Variants in NOTCH2 observed in about 807,000 individuals in gnomAD.
NOTCH2 encodes the protein notch receptor 2.
In NOTCH2, 29 loss-of-function variants were observed where a neutral mutation model predicts 235.8. The ratio of observed to expected loss-of-function variants is 0.12; its 90% CI spans 0.09 to 0.17. The LOEUF (loss-of-function observed/expected upper bound fraction) is 0.17. Ranked by LOEUF, NOTCH2 falls within the 10% of genes least tolerant of loss-of-function variation. NOTCH2 has a pLI of 1.00. For missense variants in NOTCH2, 2,285 were observed against 3,150.2 expected (o/e 0.73, Z 6.57); for synonymous variants, 1,086 against 1,141.5 (o/e 0.95, Z 0.98).
chr1:119,949,364 T>C (rs1553197449), intron 15 of NOTCH2, among the ~76,000 whole-genome samples: 1 of 151,812 alleles, frequency 6.6e-6, no homozygotes, highest in South Asian at 2.1e-4. Flanking sequence ...TTAAATGTAG[T>C]TTCCCTACAC....
intron 4 of NOTCH2, among the ~76,000 whole-genome samples, chr1:119,988,789 C>G (rs1652117226): frequency 6.6e-6 from 1 of 152,200 alleles, no homozygotes; most frequent in African/African-American, 2.4e-5. Flanking sequence ...CTAACTCGAT[C>G]TCTCTGATGA....
chr1:120,024,775 T>G (rs1553209618), intron 2 of NOTCH2, among the ~76,000 whole-genome samples: 4 of 152,234 alleles, frequency 2.6e-5, no homozygotes, highest in Admixed American at 2.6e-4. Context: ...TTACAAACAC[T>G]ACGTTAGATA....
chr1:120,023,156 A>C (rs61788883), intron 2 of NOTCH2, among the ~76,000 whole-genome samples: 1 of 152,052 alleles, frequency 6.6e-6, no homozygotes, highest in African/African-American at 2.4e-5. Flanking sequence ...CTATGTCCTC[A>C]GCTGGGTGTG....
chr1:119,980,812 T>C (rs1266480826), intron 5 of NOTCH2, among the ~76,000 whole-genome samples: 1 of 152,208 alleles, frequency 6.6e-6, no homozygotes, highest in Admixed American at 6.5e-5. Flanking sequence ...TTACAGGAGC[T>C]GCCACCAAGG....
chr1:119,916,682 G>A lies in NOTCH2; in HGVS notation c.6040C>T (p.Leu2014=). 1.2e-6 allele frequency: 2 copies of A among 1,614,178 alleles called. No homozygotes were observed. The highest frequency in any genetic ancestry group is 1.7e-6 in the Non-Finnish European group (2 of 1,180,032). ...CTCCCCTCCCGGGCAGCAAGAAACA[G>A]AGGTGTCTCTTCCTACAGAAAAGGC... is the stretch of plus-strand genomic sequence containing the variant. ...DMQDNKEETP[L]FLAAREGSYE... Residue 2014 remains leucine, a synonymous_variant, in exon 34 of 34, where the codon CTG becomes TTG. Coordinates refer to ENST00000256646, the MANE Select transcript of NOTCH2 (RefSeq NM_024408.4).
chr1:120,028,321 A>ACT (rs1270986267), intron 2 of NOTCH2, among the ~76,000 whole-genome samples: 1 of 132,562 alleles, frequency 7.5e-6, no homozygotes, highest in Non-Finnish European at 1.6e-5. Flanking sequence ...AAAGCAAGCA[A>ACT]CTAAGGCACC....
chr1:119,942,905 C>T lies in NOTCH2; in HGVS notation c.2753-1151G>A, dbSNP rs1456547646. 2.1e-5 allele frequency among the ~76,000 whole-genome samples: 3 copies of T among 139,992 alleles called. No individual in the cohort carries two copies. In the East Asian group the frequency reaches 6.4e-4, roughly 30 times the overall value. 91.8% of individuals were successfully genotyped at this position (139,992 alleles called of 152,430 possible). On this transcript the variant is annotated intron_variant, in intron 17 of 33. Transcript: ENST00000256646. Reference sequence around the variant, plus strand: ...TTTTTTTTTTTTTGGTGAAGTCTCACTCTGTTGCCCCGGCTGGAGTGCAGT... The same window carrying T: ...TTTTTTTTTTTTTGGTGAAGTCTCATTCTGTTGCCCCGGCTGGAGTGCAGT...
At chr1:120,057,854 TG>T (rs587615049) in intron 1 of NOTCH2, among the ~76,000 whole-genome samples, 6 of 72,956 alleles carry the variant, frequency 8.2e-5, no homozygotes, top group African/African-American at 2.9e-4. Context: ...ACTTACTAAC[TG>T]CATTATCCTG....
intron 13 of NOTCH2, among the ~76,000 whole-genome samples, chr1:119,953,963 A>G (rs1650587964): frequency 6.6e-6 from 1 of 152,156 alleles, no homozygotes; most frequent in African/African-American, 2.4e-5. Context: ...ATATTGGGCC[A>G]CTCTGAAGGA....
At chr1:119,925,895 A>C in intron 24 of NOTCH2, 85 bp from the exon 25 acceptor site, 1 of 1,465,718 alleles carries the variant, frequency 6.8e-7, no homozygotes, top group South Asian at 1.2e-5. Flanking sequence ...AAACCTCCAC[A>C]TCTCACTCCC....
chr1:119,950,355 A>T (rs1650422972), intron 15 of NOTCH2: 1 of 388,010 alleles, frequency 2.6e-6, no homozygotes, highest in Admixed American at 3.3e-5. Flanking sequence ...AGTGTCTGGC[A>T]CATAGTAAAT....
At position 120,029,914 on chromosome 1, in the gene NOTCH2, T is replaced by A. The variant is rs1235247025; in HGVS notation, c.147A>T (p.Gly49=). ...GMCVTYHNGT[G]YCKCPEGFLG... ...TGAAGAGAAAAACTTACTTGCAGTA[T>A]CCTGTGCCATTGTGGTAGGTAACAC... The change falls in exon 2 of 34, where the codon GGA becomes GGT. Residue 49 remains glycine (G), a synonymous_variant. Coordinates refer to ENST00000256646, the MANE Select transcript of NOTCH2 (RefSeq NM_024408.4). 10 of 673,402 alleles carry A rather than the reference T, an allele frequency of 1.5e-5. No homozygotes were observed. The highest frequency in any genetic ancestry group is 5.4e-5 in the East Asian group (2 of 37,078). The allele number at this position is 673,402 out of a possible 1,614,324, so 41.7% of individuals were successfully genotyped here.
intron 1 of NOTCH2, chr1:120,069,075 G>T: frequency 6.7e-7 from 1 of 1,489,142 alleles, no homozygotes; most frequent in Non-Finnish European, 9.0e-7. Flanking sequence ...CTTGCTGCCG[G>T]CCTCCCTCCT....
In NOTCH2 at chr1:119,937,298, C is replaced by G. The variant is rs782126198; in HGVS notation, c.3506G>C (p.Gly1169Ala). Reference protein sequence around the residue: ...QHGATCSDFIGGYRCECVPGY... With the variant: ...QHGATCSDFIAGYRCECVPGY... The stretch of plus-strand genomic sequence containing the variant: ...TGTCCTCACCTCGCATCTGTATCCA[C>G]CAATGAAGTCACTGCATGTTGCCCC... The change falls in exon 21 of 34, where the codon GGT becomes GCT. Residue 1169 changes from glycine to alanine, a missense_variant. Physicochemically the swap from Gly to Ala is moderately conservative, Grantham distance 60 (BLOSUM62 0). Around this residue, in one of 6 missense-constraint regions of NOTCH2, gnomAD observed 1,173 missense variants for 1,515.3 expected, o/e 0.77. Coordinates refer to ENST00000256646, the MANE Select transcript of NOTCH2 (RefSeq NM_024408.4). 1.2e-5 allele frequency: 19 copies of G among 1,613,480 alleles called. No individual in the cohort carries two copies. The highest frequency in any genetic ancestry group is 1.4e-5 in the Non-Finnish European group (17 of 1,180,012).
At chr1:119,926,061 A>G (rs1352442566) in intron 24 of NOTCH2, among the ~76,000 whole-genome samples, 2 of 152,330 alleles carry the variant, frequency 1.3e-5, no homozygotes, top group East Asian at 1.9e-4. Context: ...GCTTCCCTCT[A>G]CTTTAAGAGA....
intron 12 of NOTCH2, among the ~76,000 whole-genome samples, chr1:119,956,305 C>A (rs1650699064): frequency 6.6e-6 from 1 of 152,110 alleles, no homozygotes; most frequent in South Asian, 2.1e-4. Context: ...TGGCATCAAG[C>A]AACTGCTATG....
At chr1:119,955,881 C>G (rs1650677101) in intron 12 of NOTCH2, among the ~76,000 whole-genome samples, 1 of 152,186 alleles carries the variant, frequency 6.6e-6, no homozygotes, top group South Asian at 2.1e-4. Context: ...GGTTCTTAAA[C>G]TTTAATGTGC....
chr1:119,982,419 G>A (rs1373996099), intron 5 of NOTCH2, among the ~76,000 whole-genome samples: 1 of 152,182 alleles, frequency 6.6e-6, no homozygotes, highest in Non-Finnish European at 1.5e-5. Context: ...TGTGAGTTGA[G>A]CTTAGGGTCA....
intron 22 of NOTCH2, among the ~76,000 whole-genome samples, chr1:119,932,527 C>T (rs1331908125): frequency 1.3e-5 from 2 of 152,120 alleles, no homozygotes; most frequent in African/African-American, 2.4e-5. Context: ...GCGGAGGTTG[C>T]GGTGAGCTGA....
Sources: allele counts gnomAD v4.1 joint callset (sites outside exome capture counted in the v4.1 genomes callset), GRCh38; gene constraint gnomAD v4.1.1; regional missense constraint gnomAD v4.1.1; transcripts MANE v1.5; gene names NCBI Gene and HGNC (gene_info 2026-07-23, HGNC 2026-07-21).